REV3L: variants seen among roughly 807,000 people sequenced by gnomAD.
The protein encoded by REV3L is REV3 like, DNA directed polymerase zeta catalytic subunit.
A neutral mutation model predicts 299.4 loss-of-function variants in REV3L; 69 were observed. That is an observed-to-expected ratio of 0.23 (90% CI 0.19 to 0.28). REV3L has a LOEUF of 0.28. Among genes scored for constraint, REV3L ranks in the 10% least tolerant of loss-of-function variants. REV3L has a pLI of 1.00. For synonymous variants in REV3L, 1,238 were observed against 1,271.4 expected, an observed-to-expected ratio of 0.97 and a Z score of 0.56; for missense variants, 3,128 against 3,693.8, an observed-to-expected ratio of 0.85 and a Z score of 3.97.
In REV3L at chr6:111,444,868, T is replaced by C. The variant is rs545506063; in HGVS notation, c.140-28396A>G. 5.3e-5 allele frequency among the ~76,000 whole-genome samples: 8 copies of C among 152,298 alleles called. No individual in the cohort carries two copies. The South Asian group carries it at 1.2e-3, about 24-fold the overall frequency. Reference sequence around the variant, plus strand: ...AAAAATTTCACAAAGCAGGTTAATGTTTAAGGTATATTTTCCTCAACTGGC... The same window carrying C: ...AAAAATTTCACAAAGCAGGTTAATGCTTAAGGTATATTTTCCTCAACTGGC... On this transcript the variant is annotated intron_variant, in intron 1 of 31. Transcript: ENST00000368802.
intron 25 of REV3L, among the ~76,000 whole-genome samples, chr6:111,325,083 G>A (rs1774627470): frequency 6.6e-6 from 1 of 152,056 alleles, no homozygotes. Context: ...GGATGGTCTT[G>A]GTCTCCTGAC....
At chr6:111,419,554 TC>T (rs1785094796) in intron 1 of REV3L, among the ~76,000 whole-genome samples, 1 of 152,174 alleles carries the variant, frequency 6.6e-6, no homozygotes, top group Non-Finnish European at 1.5e-5. Flanking sequence ...CTACTACAAC[TC>T]CCGTTAGTTA....
intron 1 of REV3L, among the ~76,000 whole-genome samples, chr6:111,481,748 T>C (rs1793689376): frequency 6.6e-6 from 1 of 152,142 alleles, no homozygotes; most frequent in African/African-American, 2.4e-5. Flanking sequence ...ATGGAAGCAG[T>C]TCAAAGCATG....
At chr6:111,309,613 T>G in intron 30 of REV3L, 1 of 355,466 alleles carries the variant, frequency 2.8e-6, no homozygotes, top group Admixed American at 4.7e-5. Flanking sequence ...AATGGTAACA[T>G]TTGGGCATGA....
intron 1 of REV3L, among the ~76,000 whole-genome samples, chr6:111,479,400 A>G (rs1793339015): frequency 6.6e-6 from 1 of 152,156 alleles, no homozygotes; most frequent in South Asian, 2.1e-4. Flanking sequence ...AAAATTCCAT[A>G]ACTCAGATGA....
intron 1 of REV3L, among the ~76,000 whole-genome samples, chr6:111,433,271 A>C (rs1249609903): frequency 6.6e-6 from 1 of 152,124 alleles, no homozygotes; most frequent in East Asian, 1.9e-4. Flanking sequence ...TTTTTTAAAA[A>C]GACAAACAAA....
In REV3L at chr6:111,349,186, T is replaced by C. The variant is rs1337339849; in HGVS notation, c.7419+32A>G. Reference sequence around the variant, plus strand: ...ATCATTATATTGACCGAATATCTTATTTCTAAACAACATTTTGGATAAATC... The same window carrying C: ...ATCATTATATTGACCGAATATCTTACTTCTAAACAACATTTTGGATAAATC... On this transcript the variant is annotated intron_variant, in intron 20 of 31. Transcript: ENST00000368802. 6 of 1,096,602 alleles carry C rather than the reference T, an allele frequency of 5.5e-6. No homozygotes were observed. The East Asian group carries it at 9.4e-5, about 17-fold the overall frequency. The allele number at this position is 1,096,602 out of a possible 1,614,324, so 67.9% of individuals were successfully genotyped here. A position where few individuals can be genotyped will look rare whatever the true frequency, so the allele number is the denominator to read the frequency against.
intron 25 of REV3L, among the ~76,000 whole-genome samples, chr6:111,326,569 T>C (rs538806234): frequency 3.3e-5 from 5 of 150,922 alleles, no homozygotes; most frequent in Non-Finnish European, 7.4e-5. Flanking sequence ...AAAATAGAAC[T>C]GCCATATGAT....
In REV3L at chr6:111,374,864, A is replaced by G. The variant is rs773751131; in HGVS notation, c.3491T>C (p.Ile1164Thr). The change falls in exon 13 of 32, where the codon ATA becomes ACA. Residue 1164 changes from isoleucine to threonine, a missense_variant. Coordinates refer to ENST00000368802, the MANE Select transcript of REV3L (RefSeq NM_001372078.1). ...TGCTCTTGCGCGACTAGTTTTTCCT[A>G]TACGAGAATTAACAGTCTTCTTATA... is the stretch of plus-strand genomic sequence containing the variant. ...NVYKKTVNSR[I>T]GKTSRARAQI... 1 of 1,613,806 alleles carries G rather than the reference A, an allele frequency of 6.2e-7. No homozygotes were observed. Among genetic ancestry groups the G allele is most frequent in the South Asian group, 1.1e-5 (1 of 90,992 alleles).
At chr6:111,482,601 A>G (rs1255037778) in intron 1 of REV3L, 149 bp downstream of exon 1, 13 of 331,226 alleles carry the variant, frequency 3.9e-5, no homozygotes, top group Non-Finnish European at 5.8e-5. Flanking sequence ...CACGAGAGAA[A>G]AGGCGAGGAG....
intron 21 of REV3L, among the ~76,000 whole-genome samples, chr6:111,340,179 C>G (rs1373719652): frequency 6.6e-6 from 1 of 152,084 alleles, no homozygotes; most frequent in Non-Finnish European, 1.5e-5. Context: ...CTATACTCAG[C>G]AAATAGAAAA....
intron 1 of REV3L, among the ~76,000 whole-genome samples, chr6:111,437,046 G>A (rs1213045678): frequency 1.3e-5 from 2 of 152,028 alleles, no homozygotes; most frequent in Admixed American, 6.6e-5. Flanking sequence ...AATGCAAATC[G>A]GAACCACACG....
intron 26 of REV3L, among the ~76,000 whole-genome samples, chr6:111,322,166 A>C (rs1240612341): frequency 6.6e-6 from 1 of 152,210 alleles, no homozygotes; most frequent in Non-Finnish European, 1.5e-5. Context: ...AACCATTCAC[A>C]GTTCTGGCAA....
chr6:111,423,323 G>C (rs909349283), intron 1 of REV3L, among the ~76,000 whole-genome samples: 1 of 152,172 alleles, frequency 6.6e-6, no homozygotes, highest in African/African-American at 2.4e-5. Flanking sequence ...ACCAGAGGAA[G>C]TGACATTTGA....
chr6:111,366,408 T>C (rs111888448), intron 14 of REV3L, among the ~76,000 whole-genome samples: 1 of 152,044 alleles, frequency 6.6e-6, no homozygotes, highest in Admixed American at 6.6e-5. Context: ...TAGAGAAAGA[T>C]ATAAAGAAGG....
intron 1 of REV3L, among the ~76,000 whole-genome samples, chr6:111,462,117 T>C (rs1790844824): frequency 6.6e-6 from 1 of 152,132 alleles, no homozygotes; most frequent in Non-Finnish European, 1.5e-5. Flanking sequence ...TGGGAGACAA[T>C]TCTCCATGGG....
chr6:111,377,105 T>G (rs550198744), intron 12 of REV3L, among the ~76,000 whole-genome samples: 1 of 152,342 alleles, frequency 6.6e-6, no homozygotes, highest in Non-Finnish European at 1.5e-5. Context: ...TTCAGTTTAT[T>G]ATTCTACTTG....
intron 4 of REV3L, among the ~76,000 whole-genome samples, chr6:111,400,266 T>C (rs11966119): frequency 7.0e-4 from 106 of 152,330 alleles, no homozygotes; most frequent in African/African-American, 2.5e-3. Context: ...GTGCCATCAC[T>C]GGGTCGCACT....
At chr6:111,405,692 A>C in intron 3 of REV3L, 62 bp from the exon 4 acceptor site, 1 of 1,140,732 alleles carries the variant, frequency 8.8e-7, no homozygotes, top group Non-Finnish European at 1.3e-6. Flanking sequence ...AAATGAAACA[A>C]TGATTATAGA....
Sources: allele counts gnomAD v4.1 joint callset (sites outside exome capture counted in the v4.1 genomes callset), GRCh38; gene constraint gnomAD v4.1.1; transcripts MANE v1.5; gene names NCBI Gene and HGNC (gene_info 2026-07-23, HGNC 2026-07-21).